SCN8A: variants seen among roughly 807,000 people sequenced by gnomAD.
SCN8A encodes sodium voltage-gated channel alpha subunit 8, also known as sodium channel protein type 8 subunit alpha.
A neutral mutation model predicts 184.1 loss-of-function variants in SCN8A; 30 were observed. That is an observed-to-expected ratio of 0.16 (90% CI 0.12 to 0.22). SCN8A has a LOEUF of 0.22. SCN8A is among the 10% of genes least tolerant of loss of function. The probability of loss-of-function intolerance (pLI) is 1.00; values close to 1 mark genes in which losing one functional copy is unlikely to be tolerated. For missense variants in SCN8A, 1,057 were observed against 2,498.9 expected, an observed-to-expected ratio of 0.42 and a Z score of 12.30; for synonymous variants, 852 against 907.0, an observed-to-expected ratio of 0.94 and a Z score of 1.09.
At chr12:51,644,761 C>T (rs1011115876) in intron 1 of SCN8A, among the ~76,000 whole-genome samples, 1 of 151,850 alleles carries the variant, frequency 6.6e-6, no homozygotes, top group Non-Finnish European at 1.5e-5. Context: ...AGCGTCTCTG[C>T]CCGGCCGCCA....
At position 51,689,351 on chromosome 12, in the gene SCN8A, A is replaced by G. The variant is rs1183150423; in HGVS notation, c.706+255A>G. ...GCTTAAGAATCACTTGGATCTCACC[A>G]TATTTGAAAAAATTGTCACAGAGCT... On this transcript the variant is annotated intron_variant, in intron 6 of 26. Transcript: ENST00000627620. 3.4e-5 allele frequency: 14 copies of G among 412,574 alleles called. No individual in the cohort carries two copies. The East Asian group carries it at 4.7e-4, about 14-fold the overall frequency. The allele number at this position is 412,574 out of a possible 1,614,324, so 25.6% of individuals were successfully genotyped here.
In SCN8A at chr12:51,699,800, C is replaced by A; in HGVS notation, c.928+9C>A. 1 of 1,600,742 alleles carries A rather than the reference C, an allele frequency of 6.2e-7. No homozygotes were observed. The highest frequency in any genetic ancestry group is 8.5e-7 in the Non-Finnish European group (1 of 1,170,570). ...GTATATCAACAATAAAAGTAGGTGG[C>A]CTCTTCTCTGCAAGAGGAATAGGAA... On this transcript the variant is annotated intron_variant, in intron 7 of 26. Coordinates refer to ENST00000627620, the MANE Select transcript of SCN8A (RefSeq NM_001330260.2).
chr12:51,801,842 G>A (rs534930062), intron 26 of SCN8A, among the ~76,000 whole-genome samples: 6 of 152,250 alleles, frequency 3.9e-5, no homozygotes, highest in South Asian at 2.1e-4. Flanking sequence ...ATCACTTGAC[G>A]TCAGGAGTTC....
At chr12:51,758,268 A>C (rs1183590705) in intron 14 of SCN8A, among the ~76,000 whole-genome samples, 1 of 152,196 alleles carries the variant, frequency 6.6e-6, no homozygotes, top group African/African-American at 2.4e-5. Context: ...ACTATCCTGG[A>C]CAACATAGCA....
chr12:51,754,373 C>T (rs1035606060), intron 14 of SCN8A, among the ~76,000 whole-genome samples: 1 of 151,744 alleles, frequency 6.6e-6, no homozygotes, highest in African/African-American at 2.4e-5. Flanking sequence ...CCTTATCACC[C>T]CCAAATGCTT....
At chr12:51,673,967 C>T (rs1039807331) in intron 2 of SCN8A, among the ~76,000 whole-genome samples, 7 of 152,080 alleles carry the variant, frequency 4.6e-5, no homozygotes, top group African/African-American at 1.7e-4. Context: ...AAAAAAAATT[C>T]ACCTGTCAGA....
chr12:51,666,551 C>T (rs747284), intron 2 of SCN8A, among the ~76,000 whole-genome samples: 9,125 of 152,264 alleles, frequency 0.06, 410 homozygotes, highest in East Asian at 0.13. Context: ...GTTTGTTCTT[C>T]AAGGGCTGCC....
At chr12:51,674,392 G>A (rs763973075) in intron 2 of SCN8A, among the ~76,000 whole-genome samples, 28 of 152,182 alleles carry the variant, frequency 1.8e-4, no homozygotes, top group Non-Finnish European at 3.5e-4. Flanking sequence ...GAGTGCAGTG[G>A]CACAGTCTCG....
intron 1 of SCN8A, among the ~76,000 whole-genome samples, chr12:51,649,599 T>C (rs1940665927): frequency 6.6e-6 from 1 of 152,124 alleles, no homozygotes; most frequent in Admixed American, 6.5e-5. Flanking sequence ...GCTTGCACCC[T>C]CTGAAGCCTT....
intron 19 of SCN8A, among the ~76,000 whole-genome samples, chr12:51,772,256 A>G (rs1942936273): frequency 6.6e-6 from 1 of 152,134 alleles, no homozygotes; most frequent in East Asian, 1.9e-4. Context: ...TTAGCCGGGC[A>G]TGGTGGTGCA....
rs1034745520 is a variant in SCN8A, at chr12:51,770,103, C to T, written c.3490+118C>T. Reference sequence around the variant, plus strand: ...AGTGGCTATCTTCAAGAACTTTGCTCCCCACCCCACCATTTTGAAGGAAAC... The same window carrying T: ...AGTGGCTATCTTCAAGAACTTTGCTTCCCACCCCACCATTTTGAAGGAAAC... On this transcript the variant is annotated intron_variant, in intron 18 of 26. Transcript: ENST00000627620. 3 of 681,908 alleles carry T rather than the reference C, an allele frequency of 4.4e-6. No homozygotes were observed. In the African/African-American group the frequency reaches 5.5e-5, roughly 12 times the overall value. The allele number at this position is 681,908 out of a possible 1,614,324, so 42.2% of individuals were successfully genotyped here.
chr12:51,770,800 A>G, intron 19 of SCN8A, 117 bp downstream of exon 19: 2 of 1,055,284 alleles, frequency 1.9e-6, no homozygotes, highest in Non-Finnish European at 2.8e-6. Flanking sequence ...CTGTGGTCCC[A>G]AGAAGAATGA....
chr12:51,685,894 A>G (rs1298547287), intron 3 of SCN8A, among the ~76,000 whole-genome samples: 1 of 152,226 alleles, frequency 6.6e-6, no homozygotes, highest in African/African-American at 2.4e-5. Flanking sequence ...ACAACTATGG[A>G]AAAAAAGTGA....
At chr12:51,594,132 G>A in intron 1 of SCN8A, among the ~76,000 whole-genome samples, 1 of 152,082 alleles carries the variant, frequency 6.6e-6, no homozygotes, top group Admixed American at 6.6e-5. Flanking sequence ...AAATTCACAT[G>A]GTACCACCTC....
At chr12:51,685,536 G>A (rs1225772006) in intron 3 of SCN8A, among the ~76,000 whole-genome samples, 1 of 152,184 alleles carries the variant, frequency 6.6e-6, no homozygotes, top group Non-Finnish European at 1.5e-5. Flanking sequence ...AAATGAAATG[G>A]CAGTATGGTT....
chr12:51,658,006 T>C (rs1365377011), intron 1 of SCN8A, among the ~76,000 whole-genome samples: 2 of 152,182 alleles, frequency 1.3e-5, no homozygotes, highest in Non-Finnish European at 2.9e-5. Context: ...CATGTTGTTC[T>C]GGATACTGTA....
intron 1 of SCN8A, among the ~76,000 whole-genome samples, chr12:51,640,212 GTT>G (rs57362371): frequency 2.9e-5 from 1 of 34,776 alleles, no homozygotes. Context: ...TGCCTGGCCT[GTT>G]TTTTTTTTTT....
At chr12:51,798,543 A>C (rs960230881) in intron 26 of SCN8A, among the ~76,000 whole-genome samples, 6 of 152,098 alleles carry the variant, frequency 3.9e-5, no homozygotes, top group African/African-American at 1.2e-4. Flanking sequence ...CAAATTGGAC[A>C]CTCAGCAGTG....
At chr12:51,721,184 T>C (rs1205282694) in intron 11 of SCN8A, among the ~76,000 whole-genome samples, 2 of 146,862 alleles carry the variant, frequency 1.4e-5, no homozygotes, top group East Asian at 3.9e-4. Flanking sequence ...TTTTGCCCAG[T>C]GTGGCGTAGT....
Sources: gnomAD v4.1 joint callset for allele counts (sites outside exome capture counted in the v4.1 genomes callset) on GRCh38, gnomAD v4.1.1 for gene constraint, MANE v1.5 for transcripts, NCBI Gene and HGNC (gene_info 2026-07-23, HGNC 2026-07-21) for gene names.